Variants in PIEZO2 observed in about 807,000 individuals in gnomAD.
PIEZO2 encodes piezo type mechanosensitive ion channel component 2, also known as piezo-type mechanosensitive ion channel component 2.
PIEZO2 carries 172 observed loss-of-function variants against 337.3 expected under a neutral mutation model. That is an observed-to-expected ratio of 0.51 (90% CI 0.45 to 0.58). The LOEUF (loss-of-function observed/expected upper bound fraction) is 0.58, where lower values mean the gene tolerates loss of function less well. Among genes scored for constraint, PIEZO2 ranks in the 20% least tolerant of loss-of-function variants. The pLI is 0.00. For synonymous variants in PIEZO2, 1,251 were observed against 1,228.5 expected, an observed-to-expected ratio of 1.02 and a Z score of -0.38; for missense variants, 3,028 against 3,391.3, an observed-to-expected ratio of 0.89 and a Z score of 2.66.
chr18:10,950,291 G>C (rs2033235219), intron 3 of PIEZO2, among the ~76,000 whole-genome samples: 1 of 152,182 alleles, frequency 6.6e-6, no homozygotes, highest in Non-Finnish European at 1.5e-5. Context: ...TTAAAAACTT[G>C]AGTGTCTGCT....
intron 31 of PIEZO2, among the ~76,000 whole-genome samples, 183 bp from the exon 32 acceptor site, chr18:10,742,798 TTGTGTGTG>T (rs71169946): frequency 8.7e-6 from 1 of 115,576 alleles, no homozygotes; most frequent in African/African-American, 5.2e-5. Context: ...ATATACATAT[TTGTGTGTG>T]TGTGTGTGTG....
chr18:10,871,238 T>C lies in PIEZO2; in HGVS notation c.492+15A>G. On this transcript the variant is annotated intron_variant, in intron 5 of 55. Coordinates refer to ENST00000674853, the MANE Select transcript of PIEZO2 (RefSeq NM_001378183.1). ...TCAGAAATCAAAGAAGGAAGAGACA[T>C]GGAGTTGGATTTACCAATTCTTCAT... is the stretch of plus-strand genomic sequence containing the variant. 1.3e-6 allele frequency: 2 copies of C among 1,533,596 alleles called. No individual in the cohort carries two copies. The highest frequency in any genetic ancestry group is 1.7e-4 in the Middle Eastern group (1 of 5,934). 95.0% of individuals were successfully genotyped at this position (1,533,596 alleles called of 1,614,324 possible). A position where few individuals can be genotyped will look rare whatever the true frequency, so the allele number is the denominator to read the frequency against.
intron 2 of PIEZO2, among the ~76,000 whole-genome samples, chr18:10,985,126 G>A (rs963136439): frequency 6.6e-6 from 1 of 152,140 alleles, no homozygotes; most frequent in Middle Eastern, 3.4e-3. Context: ...AATCAGCAAC[G>A]TGAAAATATA....
intron 1 of PIEZO2, among the ~76,000 whole-genome samples, chr18:11,120,511 C>G (rs1398237076): frequency 6.6e-6 from 1 of 151,952 alleles, no homozygotes; most frequent in African/African-American, 2.4e-5. Flanking sequence ...TTGGTAGGGG[C>G]AAAGGCAGGA....
intron 14 of PIEZO2, 74 bp downstream of exon 14, chr18:10,791,127 A>G: frequency 7.3e-7 from 1 of 1,370,386 alleles, no homozygotes; most frequent in South Asian, 1.5e-5. Flanking sequence ...AAGCTGTCTG[A>G]TGTATTTTGG....
intron 3 of PIEZO2, among the ~76,000 whole-genome samples, chr18:10,917,616 ATT>A (rs1411735440): frequency 1.3e-5 from 2 of 152,182 alleles, no homozygotes; most frequent in African/African-American, 4.8e-5. Flanking sequence ...TTTTCATTTA[ATT>A]CAACAGTTTT....
chr18:10,725,775 C>T (rs116324763), intron 36 of PIEZO2, among the ~76,000 whole-genome samples: 4,791 of 152,290 alleles, frequency 0.031, 269 homozygotes, highest in African/African-American at 0.11. Flanking sequence ...AGAGGGAGAA[C>T]GCTCAGGGTC....
At chr18:10,989,602 T>C (rs2035014221) in intron 2 of PIEZO2, among the ~76,000 whole-genome samples, 2 of 152,076 alleles carry the variant, frequency 1.3e-5, no homozygotes, top group Admixed American at 1.3e-4. Context: ...AAAATGTATA[T>C]GAAATTAATA....
At chr18:11,124,574 T>C (rs1480153154) in intron 1 of PIEZO2, among the ~76,000 whole-genome samples, 1 of 152,176 alleles carries the variant, frequency 6.6e-6, no homozygotes, top group African/African-American at 2.4e-5. Context: ...AGATAGTTCC[T>C]TGATGGAGAC....
intron 5 of PIEZO2, among the ~76,000 whole-genome samples, chr18:10,860,388 T>G (rs1188620494): frequency 1.3e-5 from 2 of 152,144 alleles, no homozygotes; most frequent in Non-Finnish European, 2.9e-5. Flanking sequence ...CTCTTTGCTG[T>G]GGGACAGGTT....
At chr18:11,068,383 A>C (rs1259902956) in intron 1 of PIEZO2, among the ~76,000 whole-genome samples, 3 of 152,230 alleles carry the variant, frequency 2.0e-5, no homozygotes, top group African/African-American at 7.2e-5. Context: ...GGAATTTCAG[A>C]AAATTTGCAA....
intron 1 of PIEZO2, among the ~76,000 whole-genome samples, chr18:11,113,796 G>A (rs966231913): frequency 7.2e-5 from 11 of 152,174 alleles, no homozygotes; most frequent in African/African-American, 1.4e-4. Context: ...AACTGCCCCC[G>A]AGGAGTGACA....
intron 4 of PIEZO2, among the ~76,000 whole-genome samples, chr18:10,887,317 C>T (rs372529504): frequency 3.5e-5 from 5 of 144,144 alleles, no homozygotes; most frequent in African/African-American, 1.5e-4. Context: ...GATCCGCCCA[C>T]CTCAGCCTCC....
At chr18:11,000,372 G>A (rs1031300258) in intron 2 of PIEZO2, among the ~76,000 whole-genome samples, 4 of 152,066 alleles carry the variant, frequency 2.6e-5, no homozygotes, top group African/African-American at 4.8e-5. Context: ...TGGAACTATC[G>A]TTTATTACCC....
chr18:10,901,394 A>G (rs1392139402), intron 4 of PIEZO2, among the ~76,000 whole-genome samples: 1 of 150,938 alleles, frequency 6.6e-6, no homozygotes, highest in African/African-American at 2.4e-5. Context: ...TGAAGCAGGG[A>G]AGGTAAATCA....
At chr18:10,987,548 C>G (rs2034924423) in intron 2 of PIEZO2, among the ~76,000 whole-genome samples, 1 of 151,742 alleles carries the variant, frequency 6.6e-6, no homozygotes, top group Non-Finnish European at 1.5e-5. Context: ...ACACCATATA[C>G]AAAAATCAAC....
Position 10,871,364 on chromosome 18 carries a change from G to T in PIEZO2, c.381C>A (p.Ile127=). ...GNGIRVFVPD[I]GMFIASLTIW... is the part of the protein sequence containing the mutation. ...TGGTCAGACTAGCAATGAACATCCC[G>T]ATGTCAGGTACAAACACTCTGATCC... Residue 127 remains isoleucine (I), a synonymous_variant, in exon 5 of 56, where the codon ATC becomes ATA. Coordinates refer to ENST00000674853, the MANE Select transcript of PIEZO2 (RefSeq NM_001378183.1). The T allele has an allele frequency of 6.5e-7, 1 of 1,537,344 alleles. No individual in the cohort carries two copies. Among genetic ancestry groups the T allele is most frequent in the East Asian group, 2.4e-5 (1 of 40,928 alleles).
intron 2 of PIEZO2, among the ~76,000 whole-genome samples, chr18:11,034,334 C>A (rs377186385): frequency 6.6e-6 from 1 of 150,956 alleles, no homozygotes; most frequent in Non-Finnish European, 1.5e-5. Flanking sequence ...CTAGCTCTGT[C>A]GCCCAGGCTG....
chr18:10,763,361 T>C (rs544720514), intron 21 of PIEZO2: 423 of 435,190 alleles, frequency 9.7e-4, no homozygotes, highest in Non-Finnish European at 1.5e-3. Flanking sequence ...AAGCTATCAA[T>C]GTGGGCAGGC....
Sources: allele counts gnomAD v4.1 joint callset (sites outside exome capture counted in the v4.1 genomes callset), GRCh38; gene constraint gnomAD v4.1.1; transcripts MANE v1.5; gene names NCBI Gene and HGNC (gene_info 2026-07-23, HGNC 2026-07-21).